Variants in UNC5A observed in about 807,000 individuals in gnomAD.
UNC5A encodes the protein unc-5 netrin receptor A, also known as netrin receptor UNC5A.
A neutral mutation model predicts 87.4 loss-of-function variants in UNC5A; 20 were observed. The ratio of observed to expected loss-of-function variants is 0.23; its 90% CI spans 0.16 to 0.33. The LOEUF is 0.33. Among genes scored for constraint, UNC5A ranks in the 10% least tolerant of loss-of-function variants. The pLI is 1.00. For missense variants in UNC5A, 844 were observed against 1,133.4 expected (o/e 0.74, Z 3.67); for synonymous variants, 438 against 482.3 (o/e 0.91, Z 1.20).
At chr5:176,859,586 GTCCTTGCTAGAGGGCATGGCTGCTACA>G (rs1757779373) in intron 1 of UNC5A, among the ~76,000 whole-genome samples, 1 of 73,030 alleles carries the variant, frequency 1.4e-5, no homozygotes, top group Non-Finnish European at 4.5e-5. Flanking sequence ...CTGCTAGAAT[GTCCTTGCTAGAGGGCATGGCTGCTACA>G]ATGTCCTTGC....
In UNC5A at chr5:176,810,624, A is replaced by C; in HGVS notation, c.-127A>C. ...GTGCGCCCGGCAGCCGGCCGCCCGG[A>C]GGCAGCGCAGTCCGCTGGCATGGGC... On this transcript the variant is annotated 5_prime_UTR_variant, in exon 1 of 15. Transcript: ENST00000329542. The surrounding 1 kb of genome is among the most constrained non-coding windows in gnomAD (Gnocchi z 7.3). 5.2e-6 allele frequency: 1 copy of C among 193,868 alleles called. No individual in the cohort carries two copies. Among genetic ancestry groups the C allele is most frequent in the Non-Finnish European group, 9.2e-6 (1 of 108,866 alleles). The allele number at this position is 193,868 out of a possible 1,614,324, so 12.0% of individuals were successfully genotyped here.
intron 6 of UNC5A, among the ~76,000 whole-genome samples, chr5:176,872,209 T>TCG (rs1758134741): frequency 4.5e-5 from 2 of 44,764 alleles, no homozygotes; most frequent in Non-Finnish European, 4.2e-5. Context: ...CTGCCCACAC[T>TCG]CACCAACACC....
intron 1 of UNC5A, among the ~76,000 whole-genome samples, chr5:176,846,241 G>A (rs1487085352): frequency 6.6e-6 from 1 of 152,124 alleles, no homozygotes; most frequent in Non-Finnish European, 1.5e-5. Flanking sequence ...GGAGGGAGGA[G>A]CCCTGGAGGC....
chr5:176,863,269 G>C (rs994782961), intron 2 of UNC5A, among the ~76,000 whole-genome samples: 7 of 152,200 alleles, frequency 4.6e-5, no homozygotes, highest in African/African-American at 1.4e-4. Context: ...AGTGCAGAAG[G>C]GGGAAGTGCA....
At chr5:176,879,565 C>A in intron 14 of UNC5A, 77 bp downstream of exon 14, 1 of 1,546,654 alleles carries the variant, frequency 6.5e-7, no homozygotes, top group Non-Finnish European at 8.7e-7. Context: ...GTGAGGTGGA[C>A]AGGAGGCCCT....
intron 1 of UNC5A, among the ~76,000 whole-genome samples, chr5:176,821,764 C>T (rs990276301): frequency 6.6e-6 from 1 of 152,248 alleles, no homozygotes; most frequent in Non-Finnish European, 1.5e-5. Flanking sequence ...TCACTCCCAG[C>T]CCCCTCTGAA....
In UNC5A at chr5:176,824,945, C is replaced by T. The variant is rs1207839258; in HGVS notation, c.70+14125C>T. 3.9e-5 allele frequency among the ~76,000 whole-genome samples: 6 copies of T among 152,358 alleles called. No homozygotes were observed. Among genetic ancestry groups the T allele is most frequent in the South Asian group, 2.1e-4 (1 of 4,824 alleles). ...TGCACACCAAGGCTGCGTCTCCCCA[C>T]CCTGTGCACAGTGCTTGGTGGGTGT... is the stretch of plus-strand genomic sequence containing the variant. On this transcript the variant is annotated intron_variant, in intron 1 of 14. Coordinates refer to ENST00000329542, the MANE Select transcript of UNC5A (RefSeq NM_133369.3). This position sits in a 1 kb window ranked among gnomAD's most constrained non-coding sequence, Gnocchi z 4.2.
Position 176,879,335 on chromosome 5 carries a change from C to G in UNC5A, c.2210C>G (p.Ala737Gly). ...GACACAAGGTTTGCTGAGCTGCTGG[C>G]TCTGGAGAGTGAAGCGGGGGTCCCA... is the stretch of plus-strand genomic sequence containing the variant. ...TKDTRFAELL[A>G]LESEAGVPAL... The change falls in exon 14 of 15, where the codon GCT (alanine) becomes GGT (glycine). Residue 737 changes from alanine to glycine, a missense_variant. Ala to Gly is a moderately conservative substitution (Grantham distance 60). Around this residue, in one of 3 missense-constraint regions of UNC5A, gnomAD observed 177 missense variants for 279.4 expected, o/e 0.63. Transcript: ENST00000329542. 1 of 1,610,056 alleles carries G rather than the reference C, an allele frequency of 6.2e-7. No individual in the cohort carries two copies. The highest frequency in any genetic ancestry group is 8.5e-7 in the Non-Finnish European group (1 of 1,178,386).
Position 176,865,768 on chromosome 5 carries a change from C to T in UNC5A, c.293-2362C>T. The T allele has an allele frequency of 1.4e-5, 6 of 438,960 alleles. No homozygotes were observed. The highest frequency in any genetic ancestry group is 2.3e-5 in the Non-Finnish European group (5 of 216,866). The allele number at this position is 438,960 out of a possible 1,614,324, so 27.2% of individuals were successfully genotyped here. A position where few individuals can be genotyped will look rare whatever the true frequency, so the allele number is the denominator to read the frequency against. On this transcript the variant is annotated intron_variant, in intron 2 of 14. Coordinates refer to ENST00000329542, the MANE Select transcript of UNC5A (RefSeq NM_133369.3). This position sits in a 1 kb window ranked among gnomAD's most constrained non-coding sequence, Gnocchi z 5.3. ...CACCCAGCTCTGCAGCCCACTCATT[C>T]ATGTGTGGGGCTGGAGGTGGCCGGA...
rs1240108476 is a variant in UNC5A at position 176,865,654 on chromosome 5, C to G, written c.293-2476C>G. ...AGGCTTTCCTTACCCACGGCAGATA[C>G]CACGGCAGTGGCGCCACGCCGCCAA... On this transcript the variant is annotated intron_variant, in intron 2 of 14. Transcript: ENST00000329542. The surrounding 1 kb of genome is among the most constrained non-coding windows in gnomAD (Gnocchi z 5.3). The G allele has an allele frequency of 2.2e-6, 1 of 456,624 alleles. No individual in the cohort carries two copies. The highest frequency in any genetic ancestry group is 2.0e-5 in the African/African-American group (1 of 50,094). 28.3% of individuals were successfully genotyped at this position (456,624 alleles called of 1,614,324 possible).
At chr5:176,812,899 C>G (rs1036549306) in intron 1 of UNC5A, among the ~76,000 whole-genome samples, 1 of 152,148 alleles carries the variant, frequency 6.6e-6, no homozygotes, top group African/African-American at 2.4e-5. Flanking sequence ...CTGGCCCTGC[C>G]GTGACCCGGG....
At position 176,828,372 on chromosome 5, in the gene UNC5A, C is replaced by T. The variant is rs371696932; in HGVS notation, c.70+17552C>T. Among the ~76,000 whole-genome samples, 45 of 152,270 alleles carry T rather than the reference C, an allele frequency of 3.0e-4. 1 individual carries two copies. The highest frequency in any genetic ancestry group is 6.8e-3 in the Middle Eastern group (2 of 294). ...GCCCCGAGTGTGATGTCACTCATGG[C>T]ATCAGTGTGGGGAGTCACCACTCCA... On this transcript the variant is annotated intron_variant, in intron 1 of 14. Transcript: ENST00000329542.
At chr5:176,842,271 T>G (rs1342712421) in intron 1 of UNC5A, among the ~76,000 whole-genome samples, 1 of 152,206 alleles carries the variant, frequency 6.6e-6, no homozygotes, top group Non-Finnish European at 1.5e-5. Flanking sequence ...ACACTGCTGG[T>G]GGGAATGTAA....
chr5:176,875,208 G>A lies in UNC5A; in HGVS notation c.1378+642G>A, dbSNP rs1018115648. ...CCTCGCCCACTCCATGGCTTTAATC[G>A]CCGTGTCTGTGCAGATAACTCCCAC... On this transcript the variant is annotated intron_variant, in intron 8 of 14. Coordinates refer to ENST00000329542, the MANE Select transcript of UNC5A (RefSeq NM_133369.3). This position sits in a 1 kb window ranked among gnomAD's most constrained non-coding sequence, Gnocchi z 5.2. 4.6e-5 allele frequency among the ~76,000 whole-genome samples: 7 copies of A among 151,978 alleles called. No homozygotes were observed. The highest frequency in any genetic ancestry group is 1.0e-4 in the Non-Finnish European group (7 of 68,014).
At chr5:176,827,325 G>A (rs1168402563) in intron 1 of UNC5A, among the ~76,000 whole-genome samples, 3 of 151,876 alleles carry the variant, frequency 2.0e-5, no homozygotes, top group Non-Finnish European at 2.9e-5. Flanking sequence ...TGGGATTACA[G>A]GCATGCACCA....
At chr5:176,857,934 G>A (rs2113644763) in intron 1 of UNC5A, among the ~76,000 whole-genome samples, 1 of 152,324 alleles carries the variant, frequency 6.6e-6, no homozygotes, top group African/African-American at 2.4e-5. Flanking sequence ...GATGAGTGGG[G>A]TTTGGGAAGT....
intron 6 of UNC5A, among the ~76,000 whole-genome samples, chr5:176,871,870 G>A (rs1358895684): frequency 3.6e-3 from 8 of 2,244 alleles, no homozygotes; most frequent in Admixed American, 6.3e-3. Flanking sequence ...GCCCACACTC[G>A]CCCAACACCA....
chr5:176,860,612 C>T (rs1384475822), intron 1 of UNC5A, among the ~76,000 whole-genome samples: 2 of 152,146 alleles, frequency 1.3e-5, no homozygotes, highest in Admixed American at 6.5e-5. Flanking sequence ...GGGACCCCCT[C>T]GGGCCTCAGG....
At chr5:176,820,930 A>G (rs1756711724) in intron 1 of UNC5A, among the ~76,000 whole-genome samples, 1 of 152,068 alleles carries the variant, frequency 6.6e-6, no homozygotes, top group Non-Finnish European at 1.5e-5. Flanking sequence ...TCTCTCAACA[A>G]CCCAGTCTTC....
Sources: gnomAD v4.1 joint callset for allele counts (sites outside exome capture counted in the v4.1 genomes callset) on GRCh38, gnomAD v4.1.1 for gene constraint, gnomAD v4.1.1 regional missense constraint, Gnocchi (gnomAD v3.1) non-coding constraint, MANE v1.5 for transcripts, NCBI Gene and HGNC (gene_info 2026-07-23, HGNC 2026-07-21) for gene names.